RAD54L2: variants seen among roughly 807,000 people sequenced by gnomAD.
The protein encoded by RAD54L2 is helicase ARIP4.
RAD54L2 carries 27 observed loss-of-function variants against 138.4 expected under a neutral mutation model. The observed-to-expected ratio is 0.20, with a 90% confidence interval of 0.14 to 0.27. The LOEUF (loss-of-function observed/expected upper bound fraction) is 0.27, where lower values mean the gene tolerates loss of function less well. RAD54L2 is among the 10% of genes least tolerant of loss of function. The pLI is 1.00. For synonymous variants in RAD54L2, 644 were observed against 723.2 expected (o/e 0.89, Z 1.76); for missense variants, 1,396 against 1,890.2 (o/e 0.74, Z 4.85).
chr3:51,590,850 AT>A (rs762007085), intron 3 of RAD54L2, among the ~76,000 whole-genome samples: 6 of 152,230 alleles, frequency 3.9e-5, no homozygotes, highest in Non-Finnish European at 8.8e-5. Flanking sequence ...TGCCCAGGTC[AT>A]GGAGGAGTCA....
chr3:51,640,277 G>T (rs927401095), intron 14 of RAD54L2, among the ~76,000 whole-genome samples: 5 of 152,144 alleles, frequency 3.3e-5, no homozygotes, highest in East Asian at 1.9e-4. Flanking sequence ...TTTTTAAAAG[G>T]TTATAAAAAA....
chr3:51,554,241 C>T (rs1286648063), intron 2 of RAD54L2, among the ~76,000 whole-genome samples: 2 of 151,792 alleles, frequency 1.3e-5, no homozygotes, highest in Non-Finnish European at 2.9e-5. Flanking sequence ...GTGGTGCACG[C>T]CTATAATCCC....
chr3:51,659,753 A>ACTCCTCT (rs1701711278), intron 21 of RAD54L2, among the ~76,000 whole-genome samples: 1 of 152,220 alleles, frequency 6.6e-6, no homozygotes, highest in Non-Finnish European at 1.5e-5. Context: ...TCTAGAGACT[A>ACTCCTCT]AGCTCCATGA....
chr3:51,561,084 T>TA lies in RAD54L2; in HGVS notation c.-55+19435dup, dbSNP rs1476040737. Among the ~76,000 whole-genome samples the TA allele has an allele frequency of 2.0e-5, 3 of 152,330 alleles. No homozygotes were observed. The South Asian group carries it at 6.2e-4, about 32-fold the overall frequency. On this transcript the variant is annotated intron_variant, in intron 2 of 22. Coordinates refer to ENST00000684192, the MANE Select transcript of RAD54L2 (RefSeq NM_015106.4). ...CTTGGAGGCTAAAATCCTATCTCCT[T>TA]AGCAGGTCTCCAGGTTGCCCTATGT...
In RAD54L2 at chr3:51,660,121, G is replaced by C; in HGVS notation, c.3409+3G>C. 6.3e-7 allele frequency: 1 copy of C among 1,594,072 alleles called. No homozygotes were observed. The highest frequency in any genetic ancestry group is 1.7e-4 in the Middle Eastern group (1 of 6,018). ...AGATGGTCGGATGGCTGCCTCAGGT[G>C]TGATGGCTTTTACTTTCCATTTTAC... On this transcript the variant is annotated splice_donor_region_variant and intron_variant, in intron 22 of 22. Coordinates refer to ENST00000684192, the MANE Select transcript of RAD54L2 (RefSeq NM_015106.4).
chr3:51,658,227 C>T lies in RAD54L2; in HGVS notation c.3316+558C>T, dbSNP rs139458143. 5.2e-3 allele frequency among the ~76,000 whole-genome samples: 795 copies of T among 152,216 alleles called. 12 individuals are homozygous for T. The highest frequency in any genetic ancestry group is 0.017 in the African/African-American group (689 of 41,532). On this transcript the variant is annotated intron_variant, in intron 21 of 22. Transcript: ENST00000684192. ...GATTACAGGCGTGAGCCACCGTACCCGGCCCTTACTGTCATTTTTATGAGA... is the reference window on the plus strand; with the variant it reads ...GATTACAGGCGTGAGCCACCGTACCTGGCCCTTACTGTCATTTTTATGAGA...
At chr3:51,555,185 A>C (rs975299141) in intron 2 of RAD54L2, among the ~76,000 whole-genome samples, 2 of 152,094 alleles carry the variant, frequency 1.3e-5, no homozygotes, top group African/African-American at 2.4e-5. Context: ...GATGATAACC[A>C]ATTGCCAATC....
chr3:51,567,831 T>G (rs1699249501), intron 2 of RAD54L2, among the ~76,000 whole-genome samples: 1 of 151,158 alleles, frequency 6.6e-6, no homozygotes, highest in Admixed American at 6.6e-5. Flanking sequence ...AAAAATAATT[T>G]AGTACAGGAA....
At chr3:51,542,334 G>C (rs1369210489) in intron 2 of RAD54L2, among the ~76,000 whole-genome samples, 1 of 152,134 alleles carries the variant, frequency 6.6e-6, no homozygotes, top group African/African-American at 2.4e-5. Context: ...ATTAATAGTA[G>C]GAATGTGGCT....
intron 19 of RAD54L2, among the ~76,000 whole-genome samples, chr3:51,655,207 G>T (rs531614648): frequency 1.0e-4 from 15 of 148,532 alleles, no homozygotes; most frequent in Admixed American, 2.7e-4. Flanking sequence ...AGTCTTAAGG[G>T]TTTTTTTTTT....
chr3:51,601,864 G>T (rs541964142), intron 3 of RAD54L2, among the ~76,000 whole-genome samples: 27 of 146,298 alleles, frequency 1.8e-4, no homozygotes, highest in South Asian at 1.5e-3. Context: ...TTTTTTTGTT[G>T]TTTTTTTTTT....
chr3:51,633,497 C>G (rs1375646597), intron 7 of RAD54L2, 80 bp from the exon 8 acceptor site: 38 of 1,373,068 alleles, frequency 2.8e-5, no homozygotes, highest in Non-Finnish European at 3.6e-5. Flanking sequence ...TTACTTAATT[C>G]TTACTAATTA....
chr3:51,631,707 G>A (rs1055572172), intron 7 of RAD54L2, among the ~76,000 whole-genome samples: 1 of 151,650 alleles, frequency 6.6e-6, no homozygotes, highest in African/African-American at 2.4e-5. Flanking sequence ...CAGTGATCAC[G>A]ACTCACTGCA....
chr3:51,557,180 CTTTTTTTTTT>C (rs58428110), intron 2 of RAD54L2, among the ~76,000 whole-genome samples: 2 of 113,344 alleles, frequency 1.8e-5, no homozygotes, highest in Non-Finnish European at 3.5e-5. Flanking sequence ...TTGTTGTTGG[CTTTTTTTTTT>C]TTTTTTTTTT....
intron 2 of RAD54L2, among the ~76,000 whole-genome samples, chr3:51,574,493 C>T (rs1699418043): frequency 6.6e-6 from 1 of 152,190 alleles, no homozygotes; most frequent in South Asian, 2.1e-4. Context: ...TTCTCCACAT[C>T]CTCTCCAGCA....
intron 2 of RAD54L2, among the ~76,000 whole-genome samples, chr3:51,577,268 TGTG>T (rs1218180926): frequency 2.0e-5 from 3 of 152,306 alleles, no homozygotes; most frequent in African/African-American, 7.2e-5. Context: ...CTTCCAACTA[TGTG>T]GTCAATTTTG....
At chr3:51,640,914 G>C (rs1208990653) in intron 14 of RAD54L2, among the ~76,000 whole-genome samples, 1 of 152,218 alleles carries the variant, frequency 6.6e-6, no homozygotes, top group Admixed American at 6.5e-5. Context: ...GGTGGTAGTC[G>C]TAAGTATGTG....
At chr3:51,661,961 C>G (rs750527099) in intron 22 of RAD54L2, among the ~76,000 whole-genome samples, 1 of 152,244 alleles carries the variant, frequency 6.6e-6, no homozygotes, top group African/African-American at 2.4e-5. Context: ...ATAAAATTAC[C>G]TAGTATTCCA....
chr3:51,638,013 G>C lies in RAD54L2; in HGVS notation c.1683-131G>C, dbSNP rs1701030072. 1.1e-5 allele frequency: 9 copies of C among 818,450 alleles called. No individual in the cohort carries two copies. In the South Asian group the frequency reaches 1.6e-4, roughly 15 times the overall value. The allele number at this position is 818,450 out of a possible 1,614,324, so 50.7% of individuals were successfully genotyped here. A position where few individuals can be genotyped will look rare whatever the true frequency, so the allele number is the denominator to read the frequency against. On this transcript the variant is annotated intron_variant, in intron 11 of 22. Coordinates refer to ENST00000684192, the MANE Select transcript of RAD54L2 (RefSeq NM_015106.4). This position sits in a 1 kb window ranked among gnomAD's most constrained non-coding sequence, Gnocchi z 4.3. ...GGTTGTTGAACCACTCTGCATTATT[G>C]CAAGGCTGCAGTGCATGTTGAGATC...
Sources: allele counts gnomAD v4.1 joint callset (sites outside exome capture counted in the v4.1 genomes callset), GRCh38; gene constraint gnomAD v4.1.1; non-coding constraint Gnocchi (gnomAD v3.1); transcripts MANE v1.5; gene names NCBI Gene and HGNC (gene_info 2026-07-23, HGNC 2026-07-21).